DDX6: variants seen among roughly 807,000 people sequenced by gnomAD.
DDX6 encodes DEAD-box helicase 6.
A neutral mutation model predicts 60.6 loss-of-function variants in DDX6; 7 were observed. That is an observed-to-expected ratio of 0.12 (90% CI 0.07 to 0.22). The LOEUF (loss-of-function observed/expected upper bound fraction) is 0.22, where lower values mean the gene tolerates loss of function less well. DDX6 is among the 10% of genes least tolerant of loss of function. The probability of loss-of-function intolerance (pLI) is 1.00; values close to 1 mark genes in which losing one functional copy is unlikely to be tolerated. For synonymous variants in DDX6, 207 were observed against 201.0 expected (o/e 1.03, Z -0.25); for missense variants, 270 against 589.9 (o/e 0.46, Z 5.62).
intron 4 of DDX6, among the ~76,000 whole-genome samples, chr11:118,775,746 T>C (rs1272176747): frequency 2.0e-5 from 3 of 152,210 alleles, no homozygotes; most frequent in Admixed American, 2.0e-4. Context: ...TAATTGCCTA[T>C]ATGCTATAAC....
Position 118,776,086 on chromosome 11 carries a change from G to A in DDX6, c.369+3546C>T, listed in dbSNP as rs138853234. 2.5e-3 allele frequency among the ~76,000 whole-genome samples: 375 copies of A among 152,310 alleles called. 2 individuals carry two copies. Among genetic ancestry groups the A allele is most frequent in the African/African-American group, 8.5e-3 (354 of 41,566 alleles). On this transcript the variant is annotated intron_variant, in intron 4 of 13. Transcript: ENST00000534980. ...GTGAGCCCAGGAGTTTGAGGCTGCAGTGAGCTAAGATTCTGACACTGCATC... is the reference window on the plus strand; with the variant it reads ...GTGAGCCCAGGAGTTTGAGGCTGCAATGAGCTAAGATTCTGACACTGCATC...
At chr11:118,754,982 TAATGATGTTC>T in intron 12 of DDX6, 95 bp from the exon 13 acceptor site, 1 of 1,089,504 alleles carries the variant, frequency 9.2e-7, no homozygotes, top group Non-Finnish European at 1.3e-6. Flanking sequence ...ACAGGATTGA[TAATGATGTTC>T]AGTGCCATTC....
At chr11:118,766,037 C>CAATT (rs1203731752) in intron 5 of DDX6, among the ~76,000 whole-genome samples, 1,887 of 152,110 alleles carry the variant, frequency 0.012, 35 homozygotes, top group African/African-American at 0.043. Flanking sequence ...TGCCACTGCA[C>CAATT]TCCAGTCCAG....
At position 118,756,992 on chromosome 11, in the gene DDX6, T is replaced by C. The variant is rs12281298; in HGVS notation, c.1110+179A>G. On this transcript the variant is annotated intron_variant, in intron 10 of 13. Coordinates refer to ENST00000534980, the MANE Select transcript of DDX6 (RefSeq NM_004397.6). ...CTAACAACCTTGTAAGTTATGAATA[T>C]GTACTATTATCCCTATTTTATTGCT... Among the ~76,000 whole-genome samples, 4,770 of 152,288 alleles carry C rather than the reference T, an allele frequency of 0.031. 258 individuals are homozygous for C. The highest frequency in any genetic ancestry group is 0.11 in the African/African-American group (4,491 of 41,530).
At chr11:118,754,975 GGATT>G in intron 12 of DDX6, 88 bp from the exon 13 acceptor site, 2 of 1,142,464 alleles carry the variant, frequency 1.8e-6, no homozygotes, top group Non-Finnish European at 2.4e-6. Flanking sequence ...AAACCACACA[GGATT>G]GATAATGATG....
At chr11:118,778,023 A>T (rs1861763287) in intron 4 of DDX6, among the ~76,000 whole-genome samples, 2 of 152,004 alleles carry the variant, frequency 1.3e-5, no homozygotes, top group South Asian at 2.1e-4. Flanking sequence ...ATAATAATAA[A>T]AAAAAAATTG....
At chr11:118,770,847 A>G (rs994052893) in intron 4 of DDX6, among the ~76,000 whole-genome samples, 3 of 149,914 alleles carry the variant, frequency 2.0e-5, no homozygotes, top group Non-Finnish European at 3.0e-5. Flanking sequence ...GCGCCACTGC[A>G]CTCCAGCCTG....
chr11:118,769,910 G>A (rs889403024), intron 4 of DDX6, among the ~76,000 whole-genome samples: 16 of 151,976 alleles, frequency 1.1e-4, no homozygotes, highest in African/African-American at 3.1e-4. Context: ...GGGTTTCACC[G>A]TGTTAGCCAG....
intron 4 of DDX6, among the ~76,000 whole-genome samples, chr11:118,768,730 C>T (rs1361513871): frequency 6.6e-6 from 1 of 151,968 alleles, no homozygotes; most frequent in African/African-American, 2.4e-5. Flanking sequence ...GGAAAAATGG[C>T]CAGGCACAGC....
chr11:118,761,171 G>A lies in DDX6; in HGVS notation c.742-1127C>T, dbSNP rs148284821. On this transcript the variant is annotated intron_variant, in intron 7 of 13. Coordinates refer to ENST00000534980, the MANE Select transcript of DDX6 (RefSeq NM_004397.6). ...AAAGTACAGGTTCTGGAGCTAAACTGCCAGGTTGAAATCTTGCCTCCTTCA... is the reference window on the plus strand; with the variant it reads ...AAAGTACAGGTTCTGGAGCTAAACTACCAGGTTGAAATCTTGCCTCCTTCA... Among the ~76,000 whole-genome samples, 373 of 152,138 alleles carry A rather than the reference G, an allele frequency of 2.5e-3. 3 individuals carry two copies. The highest frequency in any genetic ancestry group is 8.5e-3 in the African/African-American group (352 of 41,518).
At chr11:118,754,917 G>A (rs1555158355) in intron 12 of DDX6, 30 bp from the exon 13 acceptor site, 1 of 1,556,190 alleles carries the variant, frequency 6.4e-7, no homozygotes, top group Non-Finnish European at 8.7e-7. Flanking sequence ...AAATTTTAAT[G>A]AATAAAATAT....
At chr11:118,770,932 G>C (rs1017674507) in intron 4 of DDX6, among the ~76,000 whole-genome samples, 2 of 151,434 alleles carry the variant, frequency 1.3e-5, no homozygotes, top group African/African-American at 4.8e-5. Flanking sequence ...CTGTTGTCTT[G>C]TTCTTACAGC....
intron 4 of DDX6, among the ~76,000 whole-genome samples, chr11:118,778,509 T>C (rs1435036367): frequency 5.3e-5 from 8 of 152,174 alleles, no homozygotes; most frequent in Admixed American, 3.3e-4. Context: ...AGAGAACTGC[T>C]CTGAACTTTT....
At chr11:118,753,426 A>C (rs1362897613) in intron 13 of DDX6, among the ~76,000 whole-genome samples, 1 of 105,410 alleles carries the variant, frequency 9.5e-6, no homozygotes, top group Non-Finnish European at 1.8e-5. Context: ...TGTAACCTCC[A>C]CCTCCCAGGT....
rs1861011874 is a variant in DDX6, at chr11:118,757,373, A to G, written c.994-86T>C. On this transcript the variant is annotated intron_variant, in intron 9 of 13. Coordinates refer to ENST00000534980, the MANE Select transcript of DDX6 (RefSeq NM_004397.6). ...ATCTTGAAAACACGAACCAGCAAAA[A>G]AGAAACATTAACATGGTCTAAAACT... is the stretch of plus-strand genomic sequence containing the variant. 16 of 622,980 alleles carry G rather than the reference A, an allele frequency of 2.6e-5. No individual in the cohort carries two copies. In the South Asian group the frequency reaches 4.2e-4, roughly 16 times the overall value. 38.6% of individuals were successfully genotyped at this position (622,980 alleles called of 1,614,324 possible).
At chr11:118,758,328 C>A (rs1180904557) in intron 9 of DDX6, among the ~76,000 whole-genome samples, 2 of 152,070 alleles carry the variant, frequency 1.3e-5, no homozygotes, top group Non-Finnish European at 2.9e-5. Flanking sequence ...TTTAGGTCAA[C>A]AACTAAACCT....
rs974885233 is a variant in DDX6, at chr11:118,756,291, T to G, written c.1143A>C (p.Arg381=). Residue 381 remains arginine (R), a synonymous_variant, in exon 11 of 14, where the codon CGA becomes CGC. Transcript: ENST00000534980. Reference sequence around the variant, plus strand: ...AAACAAGATTGCGGCATAAGCCATTTCGGAAATCATGAAATACACGATTTC... The same window carrying G: ...AAACAAGATTGCGGCATAAGCCATTGCGGAAATCATGAAATACACGATTTC... The part of the protein sequence containing the change: ...EHRNRVFHDF[R]NGLCRNLVCT... The G allele has an allele frequency of 1.2e-6, 2 of 1,613,620 alleles. No homozygotes were observed. The highest frequency in any genetic ancestry group is 1.7e-5 in the Admixed American group (1 of 60,008).
rs547164999 is a variant in DDX6 at position 118,764,111 on chromosome 11, A to G, written c.647-805T>C. Among the ~76,000 whole-genome samples the G allele has an allele frequency of 1.7e-4, 26 of 152,272 alleles. 2 individuals are homozygous for G. Among genetic ancestry groups the G allele is most frequent in the African/African-American group, 6.3e-4 (26 of 41,562 alleles). ...CTTCTGACATAAGAGCAATGCCTCT[A>G]ATCTAGAGCAGTGAGCCGAGTATTG... On this transcript the variant is annotated intron_variant, in intron 6 of 13. Coordinates refer to ENST00000534980, the MANE Select transcript of DDX6 (RefSeq NM_004397.6).
At chr11:118,756,197 C>G in intron 11 of DDX6, 63 bp downstream of exon 11, 1 of 1,364,966 alleles carries the variant, frequency 7.3e-7, no homozygotes, top group Admixed American at 1.7e-5. Context: ...GTAATATGAA[C>G]AGAGAAAGCA....
Sources: allele counts gnomAD v4.1 joint callset (sites outside exome capture counted in the v4.1 genomes callset), GRCh38; gene constraint gnomAD v4.1.1; transcripts MANE v1.5; gene names NCBI Gene and HGNC (gene_info 2026-07-23, HGNC 2026-07-21).